CSMD3: variants seen among roughly 807,000 people sequenced by gnomAD.
CSMD3 encodes the protein CUB and sushi domain-containing protein 3.
CSMD3 carries 177 observed loss-of-function variants against 435.2 expected under a neutral mutation model. The observed-to-expected ratio is 0.41, with a 90% CI of 0.36 to 0.46. CSMD3 has a LOEUF of 0.46. Ranked by LOEUF, CSMD3 falls within the 20% of genes least tolerant of loss-of-function variation. The pLI, the probability that CSMD3 is intolerant of heterozygous loss-of-function variation, is 0.34. For missense variants in CSMD3, 4,265 were observed against 4,504.6 expected, an observed-to-expected ratio of 0.95 and a Z score of 1.52; for synonymous variants, 1,656 against 1,520.5, an observed-to-expected ratio of 1.09 and a Z score of -2.07.
intron 11 of CSMD3, among the ~76,000 whole-genome samples, chr8:112,831,188 A>G (rs2079861153): frequency 6.6e-6 from 1 of 152,188 alleles, no homozygotes; most frequent in African/African-American, 2.4e-5. Context: ...GCATGTGTAT[A>G]AAGACTTTGA....
chr8:113,047,264 C>A (rs1041026457), intron 5 of CSMD3, among the ~76,000 whole-genome samples: 2 of 152,218 alleles, frequency 1.3e-5, no homozygotes, highest in Non-Finnish European at 2.9e-5. Flanking sequence ...CTATCTCTTA[C>A]TTAAAATGTA....
rs531893046 is a variant in CSMD3 at position 112,739,278 on chromosome 8, T to C, written c.1973-49228A>G. On this transcript the variant is annotated intron_variant, in intron 13 of 70. Coordinates refer to ENST00000297405, the MANE Select transcript of CSMD3 (RefSeq NM_198123.2). ...TAATATCTTGTGTTTTCTTGAGCTT[T>C]CATATATAATTTTCTGCAGTTTCCT... is the stretch of plus-strand genomic sequence containing the variant. 1.1e-4 allele frequency among the ~76,000 whole-genome samples: 17 copies of C among 151,830 alleles called. No homozygotes were observed. In the South Asian group the frequency reaches 2.9e-3, roughly 26 times the overall value.
intron 4 of CSMD3, among the ~76,000 whole-genome samples, chr8:113,104,964 A>G (rs955844693): frequency 1.6e-4 from 25 of 152,118 alleles, no homozygotes; most frequent in Admixed American, 5.9e-4. Context: ...AGAAAATGAG[A>G]GACAGTTAAT....
chr8:112,223,009 A>G lies in CSMD3; in HGVS notation c.*1762T>C, dbSNP rs777124328. 1 of 398,144 alleles carries G rather than the reference A, an allele frequency of 2.5e-6. No homozygotes were observed. The highest frequency in any genetic ancestry group is 1.3e-4 in the South Asian group (1 of 7,856). 24.7% of individuals were successfully genotyped at this position (398,144 alleles called of 1,614,324 possible). On this transcript the variant is annotated 3_prime_UTR_variant, in exon 71 of 71. Transcript: ENST00000297405. Reference sequence around the variant, plus strand: ...TCATACTTTTACAAAGTTTCTTTTCATAAAAATATACTTCTTTACAAAAGT... The same window carrying G: ...TCATACTTTTACAAAGTTTCTTTTCGTAAAAATATACTTCTTTACAAAAGT...
chr8:112,344,190 T>A (rs1472709272), intron 41 of CSMD3, among the ~76,000 whole-genome samples: 1 of 152,136 alleles, frequency 6.6e-6, no homozygotes, highest in Non-Finnish European at 1.5e-5. Context: ...CCTGGTTACT[T>A]ATCTTTAAAG....
intron 38 of CSMD3, among the ~76,000 whole-genome samples, chr8:112,356,241 A>G (rs1442377649): frequency 6.6e-6 from 1 of 152,240 alleles, no homozygotes; most frequent in South Asian, 2.1e-4. Context: ...TGTTTATCAC[A>G]GCACTATTCA....
At chr8:113,025,905 G>A (rs975400447) in intron 5 of CSMD3, among the ~76,000 whole-genome samples, 2 of 152,116 alleles carry the variant, frequency 1.3e-5, no homozygotes, top group Non-Finnish European at 2.9e-5. Flanking sequence ...TGTTACTGCA[G>A]CCATCTGTGT....
At chr8:112,693,547 A>T (rs1429925559) in intron 13 of CSMD3, among the ~76,000 whole-genome samples, 1 of 152,038 alleles carries the variant, frequency 6.6e-6, no homozygotes, top group African/African-American at 2.4e-5. Flanking sequence ...ATTCTTTCAT[A>T]ATTAATCTGC....
intron 1 of CSMD3, chr8:113,376,578 A>T (rs189064802): frequency 5.7e-6 from 4 of 705,970 alleles, no homozygotes; most frequent in African/African-American, 5.5e-5. Flanking sequence ...ACTAATATAT[A>T]AAAAAATTGA....
intron 9 of CSMD3, among the ~76,000 whole-genome samples, chr8:112,927,439 C>A (rs1434710778): frequency 6.6e-6 from 1 of 152,074 alleles, no homozygotes; most frequent in South Asian, 2.1e-4. Flanking sequence ...ATTCAATCCA[C>A]CCCGCCTTGT....
chr8:112,752,665 A>AT (rs2077596905), intron 13 of CSMD3, among the ~76,000 whole-genome samples: 2 of 152,226 alleles, frequency 1.3e-5, no homozygotes, highest in African/African-American at 4.8e-5. Flanking sequence ...TAACTAAAGA[A>AT]TAAAAACATA....
chr8:113,310,268 A>C (rs2093857268), intron 2 of CSMD3: 1 of 152,106 alleles, frequency 6.6e-6, no homozygotes, highest in Admixed American at 6.6e-5. Flanking sequence ...AAATTAGGAA[A>C]AGGAATTTAA....
chr8:112,315,140 T>A (rs1464984229), intron 47 of CSMD3, among the ~76,000 whole-genome samples: 1 of 151,964 alleles, frequency 6.6e-6, no homozygotes, highest in Non-Finnish European at 1.5e-5. Context: ...TTTAACACAG[T>A]TCTGAGTCAC....
chr8:112,624,050 T>A (rs1226748577), intron 22 of CSMD3, among the ~76,000 whole-genome samples: 1 of 152,082 alleles, frequency 6.6e-6, no homozygotes, highest in Non-Finnish European at 1.5e-5. Context: ...TTAAAAAGTG[T>A]AAGTAATAGA....
intron 3 of CSMD3, among the ~76,000 whole-genome samples, chr8:113,174,784 A>G (rs949546425): frequency 2.0e-5 from 3 of 151,832 alleles, no homozygotes; most frequent in African/African-American, 7.2e-5. Flanking sequence ...TTACCTTTAT[A>G]CTACAAATAA....
chr8:112,584,555 A>G (rs892460359), intron 23 of CSMD3, among the ~76,000 whole-genome samples: 1 of 151,726 alleles, frequency 6.6e-6, no homozygotes, highest in Non-Finnish European at 1.5e-5. Context: ...ACACACATAT[A>G]TTATTGTTGT....
chr8:112,716,536 C>T (rs2076732692), intron 13 of CSMD3, among the ~76,000 whole-genome samples: 1 of 152,112 alleles, frequency 6.6e-6, no homozygotes. Flanking sequence ...TCCCATCAAA[C>T]TACCATTGAC....
chr8:112,239,570 T>C (rs1813921030), intron 66 of CSMD3, among the ~76,000 whole-genome samples: 1 of 152,066 alleles, frequency 6.6e-6, no homozygotes, highest in Non-Finnish European at 1.5e-5. Flanking sequence ...ATAGACCTCA[T>C]TTTCTTTGTG....
intron 3 of CSMD3, among the ~76,000 whole-genome samples, chr8:113,176,620 T>C (rs1214850583): frequency 6.6e-6 from 1 of 152,116 alleles, no homozygotes; most frequent in Non-Finnish European, 1.5e-5. Flanking sequence ...AGATTTTAGA[T>C]AATGTTTCTG....
Sources: gnomAD v4.1 joint callset for allele counts (sites outside exome capture counted in the v4.1 genomes callset) on GRCh38, gnomAD v4.1.1 for gene constraint, MANE v1.5 for transcripts, NCBI Gene and HGNC (gene_info 2026-07-23, HGNC 2026-07-21) for gene names.